The following TMTC1 variants were observed in gnomAD, a reference collection of about 807,000 sequenced individuals.
The protein encoded by TMTC1 is protein O-mannosyl-transferase TMTC1.
A neutral mutation model predicts 104.8 loss-of-function variants in TMTC1; 73 were observed. The ratio of observed to expected loss-of-function variants is 0.70; its 90% CI spans 0.58 to 0.85. TMTC1 has a LOEUF of 0.85. TMTC1 is among the 40% of genes least tolerant of loss of function. The probability of loss-of-function intolerance (pLI) is 0.00; values close to 1 mark genes in which losing one functional copy is unlikely to be tolerated. For missense variants in TMTC1, 1,035 were observed against 1,096.1 expected (o/e 0.94, Z 0.79); for synonymous variants, 434 against 428.7 (o/e 1.01, Z -0.15).
At chr12:29,605,664 AC>A (rs1421042908) in intron 6 of TMTC1, among the ~76,000 whole-genome samples, 1 of 151,868 alleles carries the variant, frequency 6.6e-6, no homozygotes, top group African/African-American at 2.4e-5. Flanking sequence ...TTTAGAAAGT[AC>A]ATTTCAATTT....
chr12:29,520,776 T>A, intron 11 of TMTC1, 56 bp from the exon 12 acceptor site: 1 of 1,391,966 alleles, frequency 7.2e-7, no homozygotes, highest in East Asian at 2.3e-5. Context: ...AAACCAACAA[T>A]AACTGAATAT....
chr12:29,600,799 G>A (rs1946544520), intron 7 of TMTC1, among the ~76,000 whole-genome samples: 1 of 152,162 alleles, frequency 6.6e-6, no homozygotes, highest in Non-Finnish European at 1.5e-5. Context: ...TCCGGAGGGG[G>A]AAAGTAGCCT....
At chr12:29,721,144 A>G (rs1389051983) in intron 5 of TMTC1, among the ~76,000 whole-genome samples, 1 of 152,198 alleles carries the variant, frequency 6.6e-6, no homozygotes, top group Non-Finnish European at 1.5e-5. Context: ...AATTTTGGAA[A>G]TATTTTTTAG....
At chr12:29,520,492 G>A (rs1944117983) in intron 12 of TMTC1, 126 bp downstream of exon 12, 1 of 772,298 alleles carries the variant, frequency 1.3e-6, no homozygotes, top group South Asian at 1.6e-5. Context: ...TATAATGACT[G>A]TCAATAGTGT....
rs551357398 is a variant in TMTC1, at chr12:29,756,344, G to A, written c.555-459C>T. Reference sequence around the variant, plus strand: ...TGAAAAGGGATTATAGCGTTGTAGGGGGGATTAAACGAATGACTTGTCACA... The same window carrying A: ...TGAAAAGGGATTATAGCGTTGTAGGAGGGATTAAACGAATGACTTGTCACA... On this transcript the variant is annotated intron_variant, in intron 3 of 17. Transcript: ENST00000539277. Among the ~76,000 whole-genome samples the A allele has an allele frequency of 5.8e-4, 89 of 152,238 alleles. 1 individual carries two copies. The highest frequency in any genetic ancestry group is 2.0e-3 in the African/African-American group (83 of 41,532).
intron 6 of TMTC1, chr12:29,609,706 T>C (rs1389005953): frequency 6.6e-6 from 1 of 152,318 alleles, no homozygotes; most frequent in African/African-American, 2.4e-5. Flanking sequence ...AAGACCAGCA[T>C]GGCCCATGCA....
intron 5 of TMTC1, among the ~76,000 whole-genome samples, chr12:29,734,578 T>G (rs1053263063): frequency 1.3e-5 from 2 of 152,306 alleles, no homozygotes; most frequent in African/African-American, 2.4e-5. Flanking sequence ...TAGACACAGA[T>G]AGATCCACAT....
rs148617564 is a variant in TMTC1, at chr12:29,652,180, G to C, written c.939-18844C>G. ...GGCAGTGTAACAGGGACCAGATGTA[G>C]AGTTTAGCAGGAAAGGGAAAATGCA... On this transcript the variant is annotated intron_variant, in intron 5 of 17. Coordinates refer to ENST00000539277, the MANE Select transcript of TMTC1 (RefSeq NM_001193451.2). Among the ~76,000 whole-genome samples, 853 of 152,340 alleles carry C rather than the reference G, an allele frequency of 5.6e-3. 9 individuals are homozygous for C. Among genetic ancestry groups the C allele is most frequent in the African/African-American group, 0.02 (826 of 41,576 alleles).
chr12:29,679,778 AGAGAG>A (rs1295480553), intron 5 of TMTC1, among the ~76,000 whole-genome samples: 1 of 152,174 alleles, frequency 6.6e-6, no homozygotes, highest in Admixed American at 6.5e-5. Flanking sequence ...GAAACAGGAT[AGAGAG>A]GACTAGAGAG....
intron 5 of TMTC1, among the ~76,000 whole-genome samples, chr12:29,648,885 A>G (rs1435684037): frequency 6.6e-6 from 1 of 152,110 alleles, no homozygotes; most frequent in East Asian, 1.9e-4. Flanking sequence ...AGTCTTCTAA[A>G]TGCGGTGTGC....
At chr12:29,535,980 T>C in intron 11 of TMTC1, 1 of 510,878 alleles carries the variant, frequency 2.0e-6, no homozygotes, top group Non-Finnish European at 3.4e-6. Context: ...TGAGAGAGAA[T>C]ATATCAATGG....
intron 5 of TMTC1, among the ~76,000 whole-genome samples, chr12:29,721,196 T>A (rs1591973898): frequency 6.6e-6 from 1 of 152,166 alleles, no homozygotes; most frequent in Non-Finnish European, 1.5e-5. Flanking sequence ...CATGTGTGTG[T>A]GTTGAGAGAG....
intron 5 of TMTC1, among the ~76,000 whole-genome samples, chr12:29,737,392 C>G (rs1042646616): frequency 4.6e-5 from 7 of 152,164 alleles, no homozygotes; most frequent in African/African-American, 1.4e-4. Context: ...GTGGCGCATG[C>G]CTGTAATCCC....
chr12:29,766,579 G>C (rs1943469382), intron 2 of TMTC1, among the ~76,000 whole-genome samples: 1 of 152,156 alleles, frequency 6.6e-6, no homozygotes, highest in African/African-American at 2.4e-5. Flanking sequence ...AGGTACCTCA[G>C]AGGCTTGTAC....
intron 2 of TMTC1, among the ~76,000 whole-genome samples, chr12:29,759,792 T>C (rs1943301001): frequency 6.6e-6 from 1 of 151,824 alleles, no homozygotes; most frequent in South Asian, 2.1e-4. Context: ...AAAATGACAG[T>C]CAAAAGGTCA....
chr12:29,716,257 A>G (rs1240064966), intron 5 of TMTC1, among the ~76,000 whole-genome samples: 1 of 152,052 alleles, frequency 6.6e-6, no homozygotes, highest in East Asian at 1.9e-4. Context: ...GCTGGCTTCA[A>G]GGGATCCACC....
intron 5 of TMTC1, among the ~76,000 whole-genome samples, chr12:29,663,578 G>A (rs575877276): frequency 1.2e-3 from 177 of 151,822 alleles, no homozygotes; most frequent in African/African-American, 4.2e-3. Flanking sequence ...GTGTAGTGGC[G>A]TGATCTCAGC....
At chr12:29,771,667 GTATT>G in intron 1 of TMTC1, among the ~76,000 whole-genome samples, 1 of 152,158 alleles carries the variant, frequency 6.6e-6, no homozygotes, top group Admixed American at 6.5e-5. Flanking sequence ...GAAGAGGGAG[GTATT>G]CTACCTGAGG....
chr12:29,568,876 GAAAC>G (rs1341440110), intron 9 of TMTC1: 28 of 455,748 alleles, frequency 6.1e-5, no homozygotes, highest in African/African-American at 4.6e-4. Flanking sequence ...TAGAATGTTA[GAAAC>G]CTTCTCCAGG....
Sources: gnomAD v4.1 joint callset for allele counts (sites outside exome capture counted in the v4.1 genomes callset) on GRCh38, gnomAD v4.1.1 for gene constraint, MANE v1.5 for transcripts, NCBI Gene and HGNC (gene_info 2026-07-23, HGNC 2026-07-21) for gene names.